FLACC1: variants seen among roughly 807,000 people sequenced by gnomAD.
FLACC1 encodes the protein flagellum-associated coiled-coil domain-containing protein 1.
A neutral mutation model predicts 62.8 loss-of-function variants in FLACC1; 66 were observed. The ratio of observed to expected loss-of-function variants is 1.05; its 90% CI spans 0.86 to 1.29. The LOEUF (loss-of-function observed/expected upper bound fraction) is 1.29, where lower values mean the gene tolerates loss of function less well. FLACC1 is among the 50% of genes most tolerant of loss of function. The pLI, the probability that FLACC1 is intolerant of heterozygous loss-of-function variation, is 0.00. For synonymous variants in FLACC1, 156 were observed against 161.0 expected, an observed-to-expected ratio of 0.97 and a Z score of 0.24; for missense variants, 452 against 489.1, an observed-to-expected ratio of 0.92 and a Z score of 0.71.
intron 7 of FLACC1, among the ~76,000 whole-genome samples, chr2:201,341,970 G>C (rs1057499703): frequency 6.6e-6 from 1 of 152,138 alleles, no homozygotes. Context: ...CAGCCAGGGA[G>C]AGTAGAGGTG....
intron 9 of FLACC1, among the ~76,000 whole-genome samples, chr2:201,328,714 C>A (rs766135089): frequency 2.0e-5 from 3 of 152,218 alleles, no homozygotes; most frequent in Non-Finnish European, 4.4e-5. Context: ...GCATCAGCCA[C>A]AGCACCGGCC....
At chr2:201,335,462 G>A (rs762725038) in intron 7 of FLACC1, among the ~76,000 whole-genome samples, 2 of 151,910 alleles carry the variant, frequency 1.3e-5, no homozygotes, top group Non-Finnish European at 2.9e-5. Flanking sequence ...GTGTGTTCTT[G>A]GCACCTTTGT....
In FLACC1 at chr2:201,344,171, A is replaced by T; in HGVS notation, c.461T>A (p.Leu154Ter). ...GTTAGCTAATGTAAGGTCACTCACCAATTTCTGGGCAGACTGGTGGTCTCT... is the reference window on the plus strand; with the variant it reads ...GTTAGCTAATGTAAGGTCACTCACCTATTTCTGGGCAGACTGGTGGTCTCT... ...MNRDHQSAQK[L>*]LSSEMDLRCA... Residue 154 changes from leucine (L) to a stop codon, truncating the protein, a stop_gained and splice_region_variant, in exon 6 of 15, where the codon TTG becomes TAG. Coordinates refer to ENST00000392257, the MANE Select transcript of FLACC1 (RefSeq NM_001127391.3). LOFTEE classifies it high-confidence loss of function. The T allele has an allele frequency of 6.2e-7, 1 of 1,607,832 alleles. No individual in the cohort carries two copies. The highest frequency in any genetic ancestry group is 2.2e-5 in the East Asian group (1 of 44,846).
Position 201,351,364 on chromosome 2 carries a change from G to A in FLACC1, c.41C>T (p.Pro14Leu). 1.2e-6 allele frequency: 2 copies of A among 1,614,120 alleles called. No homozygotes were observed. Among genetic ancestry groups the A allele is most frequent in the Non-Finnish European group, 1.7e-6 (2 of 1,180,026 alleles). ...TAGCTTCCGTGGTCCCAAGTTCCAG[G>A]GGTCCCAGCAGGTGCAGTAGATGAG... The part of the protein sequence containing the change: ...NPLIYCTCWD[P>L]WNLGPRKLIK... The change falls in exon 2 of 15, where the codon CCC becomes CTC. Residue 14 changes from proline (P) to leucine (L), a missense_variant. Pro to Leu is a moderately conservative substitution (Grantham distance 98). This residue lies in a region of FLACC1 where 147 missense variants were observed against 152.7 expected (regional missense o/e 0.96). Coordinates refer to ENST00000392257, the MANE Select transcript of FLACC1 (RefSeq NM_001127391.3).
intron 10 of FLACC1, 99 bp downstream of exon 10, chr2:201,309,052 C>T: frequency 2.0e-6 from 2 of 1,002,256 alleles, no homozygotes; most frequent in Non-Finnish European, 3.1e-6. Flanking sequence ...GCCCATCACC[C>T]TTGGTAAGCC....
At chr2:201,312,928 T>G (rs1170769861) in intron 9 of FLACC1, among the ~76,000 whole-genome samples, 2 of 152,186 alleles carry the variant, frequency 1.3e-5, no homozygotes, top group Non-Finnish European at 2.9e-5. Context: ...TTGTCCACCT[T>G]CAAACACACA....
At chr2:201,289,410 C>T in intron 14 of FLACC1, 47 bp downstream of exon 14, 1 of 1,566,260 alleles carries the variant, frequency 6.4e-7, no homozygotes, top group Non-Finnish European at 8.8e-7. Context: ...AACTCCTTCC[C>T]ACTCCTAAAG....
intron 3 of FLACC1, among the ~76,000 whole-genome samples, chr2:201,350,097 T>C (rs1234888266): frequency 6.6e-6 from 1 of 152,154 alleles, no homozygotes; most frequent in Non-Finnish European, 1.5e-5. Flanking sequence ...GACATAAAAA[T>C]ACTTAGGGCC....
At chr2:201,335,153 TC>T (rs1313531015) in intron 7 of FLACC1, among the ~76,000 whole-genome samples, 1 of 152,114 alleles carries the variant, frequency 6.6e-6, no homozygotes, top group East Asian at 1.9e-4. Context: ...TCATTTCTGA[TC>T]TTATTTATTT....
upstream of FLACC1, among the ~76,000 whole-genome samples, chr2:201,359,637 G>A (rs1951167687): frequency 6.6e-6 from 1 of 152,172 alleles, no homozygotes; most frequent in Non-Finnish European, 1.5e-5. Flanking sequence ...AGTGCTATCA[G>A]AGTTGGTGCA....
intron 1 of FLACC1, among the ~76,000 whole-genome samples, chr2:201,355,828 C>T (rs1201398026): frequency 6.6e-6 from 1 of 152,126 alleles, no homozygotes; most frequent in Non-Finnish European, 1.5e-5. Flanking sequence ...CACTGCATTT[C>T]AGCCTGGGTG....
chr2:201,323,451 A>G (rs917887707), intron 9 of FLACC1, among the ~76,000 whole-genome samples: 1 of 152,226 alleles, frequency 6.6e-6, no homozygotes, highest in African/African-American at 2.4e-5. Flanking sequence ...ATCTCCTTAA[A>G]CAGAAAAAAA....
At chr2:201,290,543 C>T (rs1051649220) in intron 12 of FLACC1, among the ~76,000 whole-genome samples, 1 of 152,076 alleles carries the variant, frequency 6.6e-6, no homozygotes, top group African/African-American at 2.4e-5. Flanking sequence ...GCAAAATGCT[C>T]AGGGGTGGAG....
intron 9 of FLACC1, among the ~76,000 whole-genome samples, chr2:201,321,241 G>C (rs988149676): frequency 3.3e-5 from 5 of 152,144 alleles, no homozygotes; most frequent in African/African-American, 1.2e-4. Context: ...CACCAGCCTG[G>C]GGTGTGGTAC....
intron 11 of FLACC1, among the ~76,000 whole-genome samples, chr2:201,303,074 T>G (rs1950020230): frequency 6.6e-6 from 1 of 151,286 alleles, no homozygotes; most frequent in African/African-American, 2.4e-5. Flanking sequence ...AAGAAATAAC[T>G]AAGATCAGAG....
At chr2:201,331,153 G>C (rs567948891) in intron 7 of FLACC1, among the ~76,000 whole-genome samples, 11 of 151,804 alleles carry the variant, frequency 7.2e-5, no homozygotes, top group African/African-American at 2.7e-4. Flanking sequence ...ATTTTTTGTA[G>C]AGACGGGGTC....
intron 9 of FLACC1, among the ~76,000 whole-genome samples, chr2:201,313,643 C>T (rs149229340): frequency 6.6e-6 from 1 of 152,292 alleles, no homozygotes; most frequent in East Asian, 1.9e-4. Flanking sequence ...TAGCTGAAGA[C>T]AAAGGGCATA....
chr2:201,340,609 AG>A (rs1950789187), intron 7 of FLACC1, among the ~76,000 whole-genome samples: 1 of 152,150 alleles, frequency 6.6e-6, no homozygotes, highest in Non-Finnish European at 1.5e-5. Flanking sequence ...TGTTATTAAT[AG>A]TTTTGTGTTT....
intron 12 of FLACC1, among the ~76,000 whole-genome samples, chr2:201,290,608 C>T (rs1032445950): frequency 4.6e-5 from 7 of 152,134 alleles, no homozygotes; most frequent in Non-Finnish European, 4.4e-5. Flanking sequence ...GTGAGCGATG[C>T]AGAAGACGTA....
Sources: gnomAD v4.1 joint callset for allele counts (sites outside exome capture counted in the v4.1 genomes callset) on GRCh38, gnomAD v4.1.1 for gene constraint, gnomAD v4.1.1 regional missense constraint, MANE v1.5 for transcripts, NCBI Gene and HGNC (gene_info 2026-07-23, HGNC 2026-07-21) for gene names.